Variants in ARHGEF10 observed in about 807,000 individuals in gnomAD.
ARHGEF10 encodes the protein Rho guanine nucleotide exchange factor 10.
Under a neutral mutation model 147.4 loss-of-function variants are expected in ARHGEF10, and 140 were observed. The ratio of observed to expected loss-of-function variants is 0.95; its 90% CI spans 0.83 to 1.09. The LOEUF is 1.09. Among genes scored for constraint, ARHGEF10 ranks in the 50% least tolerant of loss-of-function variants. The pLI is 0.00. For missense variants in ARHGEF10, 2,222 were observed against 1,752.7 expected, an observed-to-expected ratio of 1.27 and a Z score of -4.78; for synonymous variants, 902 against 695.8, an observed-to-expected ratio of 1.30 and a Z score of -4.67.
chr8:1,913,828 G>A (rs35177181), intron 18 of ARHGEF10, among the ~76,000 whole-genome samples: 9,404 of 152,306 alleles, frequency 0.062, 311 homozygotes, highest in African/African-American at 0.081. Flanking sequence ...GGTTGGTACA[G>A]GAGGATTTGT....
chr8:1,956,599 G>A (rs973119098), intron 28 of ARHGEF10, 150 bp from the exon 29 acceptor site: 10 of 743,816 alleles, frequency 1.3e-5, no homozygotes, highest in African/African-American at 3.5e-5. Flanking sequence ...TATTTTCATC[G>A]TAGCTTATTA....
chr8:1,884,124 TG>T (rs1808444540), intron 10 of ARHGEF10, among the ~76,000 whole-genome samples: 2 of 152,124 alleles, frequency 1.3e-5, no homozygotes, highest in Admixed American at 1.3e-4. Context: ...CCGGGCACGG[TG>T]GCTCATGCCT....
At chr8:1,928,290 T>A in intron 23 of ARHGEF10, 137 bp from the exon 24 acceptor site, 1 of 795,574 alleles carries the variant, frequency 1.3e-6, no homozygotes, top group Non-Finnish European at 2.1e-6. Flanking sequence ...GTTTAAGAAT[T>A]TTTTTTTATT....
rs1387409734 is a variant in ARHGEF10, at chr8:1,929,271, A to G, written c.2922-15A>G. The G allele has an allele frequency of 1.2e-6, 2 of 1,613,706 alleles. No homozygotes were observed. Among genetic ancestry groups the G allele is most frequent in the Non-Finnish European group, 1.7e-6 (2 of 1,179,654 alleles). On this transcript the variant is annotated splice_polypyrimidine_tract_variant and intron_variant, in intron 24 of 28. Coordinates refer to ENST00000349830, the MANE Select transcript of ARHGEF10 (RefSeq NM_014629.4). ...CGAGCAAATATATTTATTAGCTTGT[A>G]TTTTTCTCTTAAAGCATTTCCATTT...
intron 2 of ARHGEF10, among the ~76,000 whole-genome samples, chr8:1,845,475 G>A (rs775108196): frequency 5.9e-5 from 9 of 152,174 alleles, no homozygotes; most frequent in African/African-American, 9.7e-5. Context: ...CTGAGGAGGC[G>A]GGTACAGTTG....
Position 1,880,033 on chromosome 8 carries a change from CTCTT to C in ARHGEF10, c.844-13_844-10del. 6.4e-7 allele frequency: 1 copy of C among 1,558,036 alleles called. No individual in the cohort carries two copies. On this transcript the variant is annotated splice_polypyrimidine_tract_variant and intron_variant, in intron 8 of 28. Coordinates refer to ENST00000349830, the MANE Select transcript of ARHGEF10 (RefSeq NM_014629.4). ...GAGCCTTTTTGTGAAAAGACTGTGTCTCTTTATGCTGTAGCTTTCTCATGACCTA... is the reference window on the plus strand; with the variant it reads ...GAGCCTTTTTGTGAAAAGACTGTGTCTATGCTGTAGCTTTCTCATGACCTA...
intron 8 of ARHGEF10, among the ~76,000 whole-genome samples, chr8:1,877,685 C>A (rs987139526): frequency 6.6e-6 from 1 of 151,470 alleles, no homozygotes; most frequent in Admixed American, 6.6e-5. Context: ...TGAGGCACCT[C>A]CCAGGTCTCG....
At chr8:1,888,181 GGTGAGGGTTT>G (rs1808905877) in intron 11 of ARHGEF10, among the ~76,000 whole-genome samples, 1 of 67,644 alleles carries the variant, frequency 1.5e-5, no homozygotes, top group African/African-American at 1.1e-4. Context: ...CAGTGAGTGG[GGTGAGGGTTT>G]GCGAGGAGAC....
rs1049149696 is a variant in ARHGEF10 at position 1,948,287 on chromosome 8, G to A, written c.3397+2632G>A. ...CCCCTGCTCCGGGGGCCCCTGAATC[G>A]TGGGTCTTTACTTATTCCTACACGA... On this transcript the variant is annotated intron_variant, in intron 27 of 28. Coordinates refer to ENST00000349830, the MANE Select transcript of ARHGEF10 (RefSeq NM_014629.4). This position sits in a 1 kb window ranked among gnomAD's most constrained non-coding sequence, Gnocchi z 4.9. Among the ~76,000 whole-genome samples the A allele has an allele frequency of 6.6e-6, 1 of 152,054 alleles. No individual in the cohort carries two copies. Among genetic ancestry groups the A allele is most frequent in the African/African-American group, 2.4e-5 (1 of 41,382 alleles).
intron 18 of ARHGEF10, among the ~76,000 whole-genome samples, chr8:1,922,469 C>T (rs535920903): frequency 1.6e-4 from 25 of 152,114 alleles, no homozygotes; most frequent in Admixed American, 1.0e-3. Flanking sequence ...CTTTAACTCA[C>T]CAGCATCCTC....
intron 2 of ARHGEF10, among the ~76,000 whole-genome samples, chr8:1,850,161 GAC>G (rs1255647006): frequency 2.8e-5 from 4 of 144,078 alleles, no homozygotes; most frequent in Admixed American, 6.9e-5. Flanking sequence ...CGGCCACGTG[GAC>G]ACAGAGGGCA....
intron 11 of ARHGEF10, among the ~76,000 whole-genome samples, chr8:1,889,750 T>G (rs1585413536): frequency 1.8e-5 from 1 of 54,544 alleles, no homozygotes; most frequent in Admixed American, 1.7e-4. Context: ...AGACATTGAG[T>G]GGGATGAGGG....
At chr8:1,872,314 A>C (rs1585338063) in intron 7 of ARHGEF10, among the ~76,000 whole-genome samples, 1 of 152,204 alleles carries the variant, frequency 6.6e-6, no homozygotes, top group East Asian at 1.9e-4. Context: ...AGATGTTTTT[A>C]TGCTGGGGTT....
chr8:1,866,477 A>C (rs1281083801), intron 5 of ARHGEF10, 49 bp from the exon 6 acceptor site: 2 of 1,569,146 alleles, frequency 1.3e-6, no homozygotes, highest in Admixed American at 1.7e-5. Context: ...CATCCTAGTG[A>C]CTTGGGCTGT....
At chr8:1,887,835 G>A (rs1040279900) in intron 11 of ARHGEF10, among the ~76,000 whole-genome samples, 2 of 146,372 alleles carry the variant, frequency 1.4e-5, no homozygotes, top group African/African-American at 5.1e-5. Context: ...TGAAAGTTCT[G>A]AGGAGACACT....
At chr8:1,930,957 G>T (rs1314052494) in intron 25 of ARHGEF10, among the ~76,000 whole-genome samples, 6 of 152,356 alleles carry the variant, frequency 3.9e-5, no homozygotes, top group African/African-American at 1.2e-4. Flanking sequence ...TCATCCGGTG[G>T]GTGCCCCGGC....
At chr8:1,894,621 G>C (rs772878298) in intron 13 of ARHGEF10, 49 bp downstream of exon 13, 1 of 1,593,084 alleles carries the variant, frequency 6.3e-7, no homozygotes, top group East Asian at 2.2e-5. Context: ...CCATGCACCT[G>C]TCCTCTCTTC....
intron 19 of ARHGEF10, 151 bp from the exon 20 acceptor site, chr8:1,923,317 G>A (rs1031807880): frequency 2.2e-5 from 26 of 1,207,910 alleles, no homozygotes; most frequent in Non-Finnish European, 3.1e-5. Flanking sequence ...GCCCCCCACA[G>A]TGTGATCTGA....
At chr8:1,853,220 A>G (rs1415177398) in intron 2 of ARHGEF10, among the ~76,000 whole-genome samples, 2 of 152,198 alleles carry the variant, frequency 1.3e-5, no homozygotes, top group African/African-American at 4.8e-5. Flanking sequence ...GGAGGGGCAC[A>G]GAGCCTCTCC....
Sources: gnomAD v4.1 joint callset for allele counts (sites outside exome capture counted in the v4.1 genomes callset) on GRCh38, gnomAD v4.1.1 for gene constraint, Gnocchi (gnomAD v3.1) non-coding constraint, MANE v1.5 for transcripts, NCBI Gene and HGNC (gene_info 2026-07-23, HGNC 2026-07-21) for gene names.